GALNT13: variants seen among roughly 807,000 people sequenced by gnomAD.
GALNT13 encodes the protein polypeptide N-acetylgalactosaminyltransferase 13.
In GALNT13, 28 loss-of-function variants were observed where a neutral mutation model predicts 64.2. The observed-to-expected ratio is 0.44, with a 90% confidence interval of 0.32 to 0.60. GALNT13 has a LOEUF of 0.60. Among genes scored for constraint, GALNT13 ranks in the 20% least tolerant of loss-of-function variants. The probability of loss-of-function intolerance (pLI) is 0.05; values close to 1 mark genes in which losing one functional copy is unlikely to be tolerated. For missense variants in GALNT13, 577 were observed against 669.8 expected (o/e 0.86, Z 1.53); for synonymous variants, 214 against 224.6 (o/e 0.95, Z 0.42).
At chr2:154,210,512 C>G in intron 4 of GALNT13, among the ~76,000 whole-genome samples, 1 of 152,066 alleles carries the variant, frequency 6.6e-6, no homozygotes, top group Non-Finnish European at 1.5e-5. Context: ...TGAATGAAGG[C>G]CAATGTACCT....
At chr2:153,632,949 T>A in the GALNT13 span, among the ~76,000 whole-genome samples, 1 of 151,972 alleles carries the variant, frequency 6.6e-6, no homozygotes, top group African/African-American at 2.4e-5. Flanking sequence ...TTAGTAGAGA[T>A]GTGGTTTCAC....
the GALNT13 span, among the ~76,000 whole-genome samples, chr2:153,335,409 A>G: frequency 2.0e-5 from 3 of 152,226 alleles, no homozygotes; most frequent in Non-Finnish European, 4.4e-5. Flanking sequence ...CTATGGTGAT[A>G]TGGACAATAA....
At chr2:154,181,034 A>G (rs1371745913) in intron 4 of GALNT13, among the ~76,000 whole-genome samples, 3 of 152,128 alleles carry the variant, frequency 2.0e-5, no homozygotes, top group Non-Finnish European at 4.4e-5. Flanking sequence ...GAAAGAGCCA[A>G]CTTTTCATAT....
chr2:153,068,889 A>G, the GALNT13 span, among the ~76,000 whole-genome samples: 5 of 152,180 alleles, frequency 3.3e-5, no homozygotes, highest in South Asian at 4.1e-4. Context: ...GAATAAGCTA[A>G]TGAAAAGAAA....
chr2:153,650,245 T>C, the GALNT13 span, among the ~76,000 whole-genome samples: 1 of 152,162 alleles, frequency 6.6e-6, no homozygotes, highest in African/African-American at 2.4e-5. Flanking sequence ...TTTTGATCTT[T>C]GTTGGTTTAA....
At chr2:154,255,597 A>G (rs1690327014) in intron 7 of GALNT13, among the ~76,000 whole-genome samples, 1 of 152,194 alleles carries the variant, frequency 6.6e-6, no homozygotes, top group Admixed American at 6.5e-5. Context: ...GAAAGGAGCT[A>G]TTCTTTTTTA....
chr2:154,448,455 G>T (rs577685392), intron 12 of GALNT13, among the ~76,000 whole-genome samples: 1 of 152,106 alleles, frequency 6.6e-6, no homozygotes, highest in Admixed American at 6.6e-5. Flanking sequence ...AGAATAATTT[G>T]AAACATGCCT....
At chr2:154,064,096 G>A (rs1189056221) in intron 3 of GALNT13, among the ~76,000 whole-genome samples, 1 of 152,150 alleles carries the variant, frequency 6.6e-6, no homozygotes, top group African/African-American at 2.4e-5. Context: ...GTGATTATAG[G>A]ACATTGCATT....
chr2:153,383,200 GA>G, the GALNT13 span, among the ~76,000 whole-genome samples: 1 of 152,042 alleles, frequency 6.6e-6, no homozygotes, highest in South Asian at 2.1e-4. Context: ...GTTTCTGGGG[GA>G]AAAATACAGC....
intron 3 of GALNT13, among the ~76,000 whole-genome samples, chr2:154,016,707 C>T (rs751388028): frequency 7.2e-5 from 11 of 152,136 alleles, no homozygotes; most frequent in Non-Finnish European, 1.3e-4. Flanking sequence ...TGAGCCACTG[C>T]GCCTGGCCTA....
the GALNT13 span, among the ~76,000 whole-genome samples, chr2:153,801,272 A>T: frequency 7.4e-5 from 11 of 149,600 alleles, no homozygotes; most frequent in African/African-American, 2.4e-4. Context: ...CTTTACATTC[A>T]CATCTTGGCT....
At chr2:154,137,456 T>G (rs2105569361) in intron 3 of GALNT13, among the ~76,000 whole-genome samples, 2 of 152,246 alleles carry the variant, frequency 1.3e-5, no homozygotes, top group South Asian at 4.1e-4. Flanking sequence ...CTGAGAATAA[T>G]TAGGAGAATG....
chr2:153,543,755 A>G, the GALNT13 span, among the ~76,000 whole-genome samples: 1 of 152,222 alleles, frequency 6.6e-6, no homozygotes, highest in African/African-American at 2.4e-5. Context: ...TTACGAATAC[A>G]TGCAACTACT....
chr2:154,187,369 AACACACACACACACAC>A lies in GALNT13; in HGVS notation c.311+46894_311+46909del, dbSNP rs10578569. On this transcript the variant is annotated intron_variant, in intron 4 of 12. Transcript: ENST00000392825. ...AATGAGTAAGAAAGAGATAGGAGAAAACACACACACACACACACACACACACACACACACACACACA... is the reference window on the plus strand; with the variant it reads ...AATGAGTAAGAAAGAGATAGGAGAAAACACACACACACACACACACACACA... Among the ~76,000 whole-genome samples the A allele has an allele frequency of 1.0e-3, 147 of 140,348 alleles. 1 individual carries two copies. The East Asian group carries it at 0.024, about 23-fold the overall frequency. The allele number at this position is 140,348 out of a possible 152,430, so 92.1% of individuals were successfully genotyped here.
chr2:153,419,736 CATT>C, the GALNT13 span, among the ~76,000 whole-genome samples: 1 of 152,256 alleles, frequency 6.6e-6, no homozygotes, highest in South Asian at 2.1e-4. Context: ...CAGTTTATAT[CATT>C]GTCAATTTCT....
At chr2:153,445,471 G>A in the GALNT13 span, among the ~76,000 whole-genome samples, 5 of 152,150 alleles carry the variant, frequency 3.3e-5, no homozygotes, top group Non-Finnish European at 2.9e-5. Context: ...TTGACCTTCC[G>A]GGCTCAGGTG....
the GALNT13 span, among the ~76,000 whole-genome samples, chr2:153,754,873 G>T: frequency 2.8e-4 from 43 of 152,126 alleles, no homozygotes; most frequent in Non-Finnish European, 5.3e-4. Context: ...GCTGGAATTG[G>T]CAATTTTCCT....
At chr2:153,335,565 A>G in the GALNT13 span, among the ~76,000 whole-genome samples, 329 of 152,322 alleles carry the variant, frequency 2.2e-3, 4 homozygotes, top group African/African-American at 7.5e-3. Context: ...GATTTAGGAT[A>G]TCTGGTGGAA....
the GALNT13 span, among the ~76,000 whole-genome samples, chr2:153,567,003 C>G: frequency 2.0e-5 from 3 of 152,256 alleles, no homozygotes; most frequent in East Asian, 1.9e-4. Flanking sequence ...AATTCAAACT[C>G]CATAACATAA....
Sources: allele counts gnomAD v4.1 joint callset (sites outside exome capture counted in the v4.1 genomes callset), GRCh38; gene constraint gnomAD v4.1.1; transcripts MANE v1.5; gene names NCBI Gene and HGNC (gene_info 2026-07-23, HGNC 2026-07-21).